NLRC5: variants seen among roughly 807,000 people sequenced by gnomAD.
NLRC5 encodes the protein NLR family CARD domain containing 5, also known as protein NLRC5.
NLRC5 carries 114 observed loss-of-function variants against 206.9 expected under a neutral mutation model. That is an observed-to-expected ratio of 0.55 (90% CI 0.47 to 0.64). The LOEUF is 0.64. Among genes scored for constraint, NLRC5 ranks in the 30% least tolerant of loss-of-function variants. The probability of loss-of-function intolerance (pLI) is 0.00; values close to 1 mark genes in which losing one functional copy is unlikely to be tolerated. For synonymous variants in NLRC5, 952 were observed against 962.8 expected, an observed-to-expected ratio of 0.99 and a Z score of 0.21; for missense variants, 2,008 against 2,305.5, an observed-to-expected ratio of 0.87 and a Z score of 2.64.
Position 57,031,461 on chromosome 16 carries a change from A to G in NLRC5, c.2475A>G (p.Gln825=), listed in dbSNP as rs2061876044. Residue 825 remains glutamine, a splice_region_variant and synonymous_variant, in exon 11 of 49, where the codon CAA becomes CAG. Coordinates refer to ENST00000688547, the MANE Select transcript of NLRC5 (RefSeq NM_001384950.1). ...SPPTETTAEL[Q]RAPDLQESDG... is the part of the protein sequence containing the mutation. ...CCACAGAGACAACTGCAGAGCTACA[A>G]AGGTAAGAAGCCAAGAGGCGGTGGG... 6.2e-7 allele frequency: 1 copy of G among 1,613,626 alleles called. No homozygotes were observed. The highest frequency in any genetic ancestry group is 1.3e-5 in the African/African-American group (1 of 74,736).
At chr16:57,012,305 C>T (rs961529182) in intron 1 of NLRC5, among the ~76,000 whole-genome samples, 16 of 152,156 alleles carry the variant, frequency 1.1e-4, no homozygotes, top group African/African-American at 3.6e-4. Context: ...ATGGATAATG[C>T]TGGTACAAAC....
chr16:57,024,779 G>A (rs963426162), intron 5 of NLRC5, among the ~76,000 whole-genome samples: 2 of 152,216 alleles, frequency 1.3e-5, no homozygotes, highest in Admixed American at 6.5e-5. Context: ...GAGGGCTGAG[G>A]CAGGTGGATC....
In NLRC5 at chr16:57,054,658, G is replaced by T. The variant is rs2065364781; in HGVS notation, c.3507-93G>T. On this transcript the variant is annotated intron_variant, in intron 24 of 48. Coordinates refer to ENST00000688547, the MANE Select transcript of NLRC5 (RefSeq NM_001384950.1). ...TGCTTCCCTATTGCCTTGCTGAGCT[G>T]CTAGCCCTCCCCACCCTCCCTTTCC... The T allele has an allele frequency of 3.4e-6, 3 of 871,146 alleles. No individual in the cohort carries two copies. The South Asian group carries it at 4.0e-5, about 12-fold the overall frequency. The allele number at this position is 871,146 out of a possible 1,614,324, so 54.0% of individuals were successfully genotyped here.
chr16:57,057,478 C>T (rs2065828074), intron 27 of NLRC5, among the ~76,000 whole-genome samples: 1 of 152,212 alleles, frequency 6.6e-6, no homozygotes, highest in African/African-American at 2.4e-5. Context: ...AAGTAAGAAA[C>T]TTCAGGTGAG....
chr16:57,006,413 C>CTTTTTTTTTTT lies in NLRC5; in HGVS notation c.-127-10648_-127-10638dup, dbSNP rs58713490. Among the ~76,000 whole-genome samples the CTTTTTTTTTTT allele has an allele frequency of 2.8e-4, 25 of 90,838 alleles. 2 individuals are homozygous for CTTTTTTTTTTT. The highest frequency in any genetic ancestry group is 4.5e-4 in the Non-Finnish European group (22 of 48,672). The allele number at this position is 90,838 out of a possible 152,430, so 59.6% of individuals were successfully genotyped here. On this transcript the variant is annotated intron_variant, in intron 1 of 48. Coordinates refer to ENST00000688547, the MANE Select transcript of NLRC5 (RefSeq NM_001384950.1). Reference sequence around the variant, plus strand: ...ATTCCATAAAGTTCATCTTCATCCTCTTTTTTTTTTTTTTTTTTTTTTTGA... The same window carrying CTTTTTTTTTTT: ...ATTCCATAAAGTTCATCTTCATCCTCTTTTTTTTTTTTTTTTTTTTTTTTTTTTTTTTTTGA...
At chr16:57,074,779 G>T in intron 39 of NLRC5, 96 bp downstream of exon 39, 1 of 1,211,368 alleles carries the variant, frequency 8.3e-7, no homozygotes, top group Non-Finnish European at 1.2e-6. Flanking sequence ...CACCTCCCAG[G>T]GGATCCTTTG....
chr16:57,010,446 C>T (rs1216734838), intron 1 of NLRC5, among the ~76,000 whole-genome samples: 1 of 152,168 alleles, frequency 6.6e-6, no homozygotes, highest in Non-Finnish European at 1.5e-5. Flanking sequence ...GAGATCATAG[C>T]TCACTGCAGC....
chr16:57,008,239 A>G (rs1406897176), intron 1 of NLRC5, among the ~76,000 whole-genome samples: 1 of 152,122 alleles, frequency 6.6e-6, no homozygotes, highest in Non-Finnish European at 1.5e-5. Context: ...TAAAAGAGAA[A>G]TTTTTTTAAA....
At chr16:57,029,148 G>A (rs1457827096) in intron 8 of NLRC5, among the ~76,000 whole-genome samples, 3 of 152,204 alleles carry the variant, frequency 2.0e-5, no homozygotes, top group African/African-American at 7.2e-5. Context: ...CCGTGATTAA[G>A]CCAAGGTTCA....
intron 32 of NLRC5, among the ~76,000 whole-genome samples, chr16:57,064,293 T>A (rs2066860204): frequency 6.6e-6 from 1 of 152,166 alleles, no homozygotes; most frequent in Non-Finnish European, 1.5e-5. Flanking sequence ...CTTTAAAAAT[T>A]CAGCATAACT....
intron 4 of NLRC5, 78 bp from the exon 5 acceptor site, chr16:57,023,707 G>T (rs1684575): frequency 0.56 from 705,419 of 1,258,986 alleles, 200,098 homozygotes; most frequent in Middle Eastern, 0.6. Context: ...GTGGACTGGA[G>T]TTCCCCAAAG....
At position 57,079,044 on chromosome 16, in the gene NLRC5, C is replaced by T. The variant is rs757210391; in HGVS notation, c.5082-6C>T. On this transcript the variant is annotated splice_region_variant and splice_polypyrimidine_tract_variant and intron_variant, in intron 43 of 48. Transcript: ENST00000688547. ...AGGCTCCTCTCACCCTCTCCTCTTT[C>T]CCCAGCCTACCATTCAGCCATCTGG... 2 of 1,613,320 alleles carry T rather than the reference C, an allele frequency of 1.2e-6. No individual in the cohort carries two copies. The highest frequency in any genetic ancestry group is 4.5e-5 in the East Asian group (2 of 44,882).
At position 57,030,165 on chromosome 16, in the gene NLRC5, C is replaced by T; in HGVS notation, c.2417+81C>T. ...AAGTGGGATGGGAAATGGAGGAGGC[C>T]CCTCGTCTGCAGGATAAATCTGTGC... On this transcript the variant is annotated intron_variant, in intron 10 of 48. Coordinates refer to ENST00000688547, the MANE Select transcript of NLRC5 (RefSeq NM_001384950.1). 4 of 1,145,306 alleles carry T rather than the reference C, an allele frequency of 3.5e-6. No homozygotes were observed. The South Asian group carries it at 3.8e-5, about 11-fold the overall frequency. 70.9% of individuals were successfully genotyped at this position (1,145,306 alleles called of 1,614,324 possible).
intron 1 of NLRC5, among the ~76,000 whole-genome samples, chr16:57,000,015 C>A (rs1206633924): frequency 6.6e-6 from 1 of 152,192 alleles, no homozygotes; most frequent in Admixed American, 6.5e-5. Flanking sequence ...TGGAGTGTGG[C>A]CCATTGGGAT....
intron 22 of NLRC5, 92 bp downstream of exon 22, chr16:57,046,733 TG>T: frequency 1.9e-6 from 2 of 1,026,986 alleles, no homozygotes; most frequent in Non-Finnish European, 2.9e-6. Flanking sequence ...GGCTGGGGAT[TG>T]GGATAGAGGG....
At chr16:57,014,919 C>A (rs1405006294) in intron 1 of NLRC5, among the ~76,000 whole-genome samples, 1 of 36,562 alleles carries the variant, frequency 2.7e-5, no homozygotes, top group African/African-American at 6.5e-5. Flanking sequence ...CCAGCCTCTT[C>A]CTTTTTCCTT....
chr16:57,002,702 C>T (rs1276826533), intron 1 of NLRC5, among the ~76,000 whole-genome samples: 1 of 135,570 alleles, frequency 7.4e-6, no homozygotes, highest in Non-Finnish European at 1.5e-5. Flanking sequence ...GAGTGCAGTG[C>T]GTGATCTCAG....
intron 2 of NLRC5, among the ~76,000 whole-genome samples, chr16:57,017,703 G>C (rs905807294): frequency 6.6e-6 from 1 of 152,158 alleles, no homozygotes; most frequent in African/African-American, 2.4e-5. Context: ...TTACACCTTG[G>C]TTCTTAAAAC....
intron 1 of NLRC5, among the ~76,000 whole-genome samples, chr16:57,012,478 A>C (rs1489107807): frequency 6.6e-6 from 1 of 152,154 alleles, no homozygotes; most frequent in Non-Finnish European, 1.5e-5. Context: ...GCCTGTTAGG[A>C]ACTGGGCCGC....
Sources: gnomAD v4.1 joint callset for allele counts (sites outside exome capture counted in the v4.1 genomes callset) on GRCh38, gnomAD v4.1.1 for gene constraint, MANE v1.5 for transcripts, NCBI Gene and HGNC (gene_info 2026-07-23, HGNC 2026-07-21) for gene names.